SUCLG2: variants seen among roughly 807,000 people sequenced by gnomAD.
The protein encoded by SUCLG2 is succinate--CoA ligase [GDP-forming] subunit beta, mitochondrial.
Under a neutral mutation model 47.9 loss-of-function variants are expected in SUCLG2, and 42 were observed. The observed-to-expected ratio is 0.88, with a 90% CI of 0.69 to 1.14. The LOEUF (loss-of-function observed/expected upper bound fraction) is 1.14, where lower values mean the gene tolerates loss of function less well. Ranked by LOEUF, SUCLG2 falls within the 50% of genes most tolerant of loss-of-function variation. SUCLG2 has a pLI of 0.00. For missense variants in SUCLG2, 571 were observed against 525.9 expected, an observed-to-expected ratio of 1.09 and a Z score of -0.84; for synonymous variants, 195 against 197.3, an observed-to-expected ratio of 0.99 and a Z score of 0.10.
Position 67,594,431 on chromosome 3 carries a change from C to T in SUCLG2, c.226+15024G>A, listed in dbSNP as rs114422733. Among the ~76,000 whole-genome samples, 997 of 152,258 alleles carry T rather than the reference C, an allele frequency of 6.5e-3. 10 individuals carry two copies. Among genetic ancestry groups the T allele is most frequent in the African/African-American group, 0.022 (917 of 41,564 alleles). Reference sequence around the variant, plus strand: ...TAAAGCTGTTTCTAGTTCAGGATCTCGGCCTCTCCTGTCACCTGTGCTTGA... The same window carrying T: ...TAAAGCTGTTTCTAGTTCAGGATCTTGGCCTCTCCTGTCACCTGTGCTTGA... On this transcript the variant is annotated intron_variant, in intron 2 of 10. Coordinates refer to ENST00000307227, the MANE Select transcript of SUCLG2 (RefSeq NM_003848.4).
In SUCLG2 at chr3:67,592,718, C is replaced by CAAAAAAAAAAAAAAAAAAAAAA. The variant is rs754866312; in HGVS notation, c.226+16736_226+16737insTTTTTTTTTTTTTTTTTTTTTT. Reference sequence around the variant, plus strand: ...AAGCATATGTAACTCTCACATCCTCCAAAAAAAAAAAAAAAAAACAACAAA... The same window carrying CAAAAAAAAAAAAAAAAAAAAAA: ...AAGCATATGTAACTCTCACATCCTCCAAAAAAAAAAAAAAAAAAAAAAAAAAAAAAAAAAAAAAAACAACAAA... On this transcript the variant is annotated intron_variant, in intron 2 of 10. Coordinates refer to ENST00000307227, the MANE Select transcript of SUCLG2 (RefSeq NM_003848.4). 8.7e-5 allele frequency among the ~76,000 whole-genome samples: 7 copies of CAAAAAAAAAAAAAAAAAAAAAA among 80,256 alleles called. 1 individual carries two copies. The highest frequency in any genetic ancestry group is 3.6e-4 in the African/African-American group (6 of 16,760). The allele number at this position is 80,256 out of a possible 152,430, so 52.7% of individuals were successfully genotyped here. A position where few individuals can be genotyped will look rare whatever the true frequency, so the allele number is the denominator to read the frequency against.
chr3:67,420,507 T>C (rs1051615078), intron 9 of SUCLG2, among the ~76,000 whole-genome samples: 1 of 152,170 alleles, frequency 6.6e-6, no homozygotes, highest in Non-Finnish European at 1.5e-5. Context: ...TGTGGGATGG[T>C]GTGGGAAATA....
At position 67,398,445 on chromosome 3, in the gene SUCLG2, G is replaced by A. The variant is rs552152922; in HGVS notation, c.1183+2286C>T. Among the ~76,000 whole-genome samples, 341 of 151,870 alleles carry A rather than the reference G, an allele frequency of 2.2e-3. 1 individual carries two copies. The highest frequency in any genetic ancestry group is 3.3e-3 in the Admixed American group (50 of 15,248). ...ATGCTCATCATCACTGGCCATCAGA[G>A]AAATGCAAATCAAAACCACAATGAG... On this transcript the variant is annotated intron_variant, in intron 10 of 10. Coordinates refer to ENST00000307227, the MANE Select transcript of SUCLG2 (RefSeq NM_003848.4).
chr3:67,511,830 AG>A (rs1186743800), intron 6 of SUCLG2, among the ~76,000 whole-genome samples: 3 of 144,774 alleles, frequency 2.1e-5, no homozygotes, highest in Non-Finnish European at 4.4e-5. Context: ...TTATAGGAAG[AG>A]TGTGAGTGTG....
intron 9 of SUCLG2, among the ~76,000 whole-genome samples, chr3:67,436,981 A>G (rs1456071283): frequency 2.0e-5 from 3 of 152,136 alleles, no homozygotes; most frequent in African/African-American, 7.2e-5. Context: ...GTAAAATAAT[A>G]TATGATCAAG....
intron 9 of SUCLG2, among the ~76,000 whole-genome samples, chr3:67,463,320 T>C (rs755481395): frequency 2.6e-5 from 4 of 152,216 alleles, no homozygotes; most frequent in Non-Finnish European, 5.9e-5. Flanking sequence ...ACCATTCTTG[T>C]TGCTGGCTGT....
intron 1 of SUCLG2, among the ~76,000 whole-genome samples, chr3:67,647,085 C>T (rs1040238141): frequency 3.3e-5 from 5 of 152,180 alleles, no homozygotes; most frequent in African/African-American, 1.2e-4. Flanking sequence ...CAAGTCACAA[C>T]TCTGGGACTA....
chr3:67,412,735 C>G (rs1702957391), intron 9 of SUCLG2, among the ~76,000 whole-genome samples: 1 of 152,208 alleles, frequency 6.6e-6, no homozygotes, highest in African/African-American at 2.4e-5. Flanking sequence ...AGCATTGGGA[C>G]AGAAGCGATC....
At chr3:67,408,163 T>C (rs1041491394) in intron 9 of SUCLG2, among the ~76,000 whole-genome samples, 1 of 152,174 alleles carries the variant, frequency 6.6e-6, no homozygotes, top group African/African-American at 2.4e-5. Context: ...GGCTCACTTT[T>C]CTACCTTTGG....
intron 1 of SUCLG2, among the ~76,000 whole-genome samples, chr3:67,616,510 G>T (rs902031136): frequency 1.3e-5 from 2 of 152,070 alleles, no homozygotes; most frequent in Non-Finnish European, 2.9e-5. Context: ...AACTTGGGAA[G>T]GGCAGACCAA....
At chr3:67,387,523 T>C (rs982313771) in intron 10 of SUCLG2, among the ~76,000 whole-genome samples, 1 of 152,230 alleles carries the variant, frequency 6.6e-6, no homozygotes, top group Non-Finnish European at 1.5e-5. Flanking sequence ...AGGCCCACAA[T>C]TTATTAGTTA....
intron 9 of SUCLG2, among the ~76,000 whole-genome samples, chr3:67,422,657 G>C (rs1288846007): frequency 2.0e-5 from 3 of 151,890 alleles, no homozygotes. Context: ...ATGAGAAAGA[G>C]ATTTCAAAGG....
chr3:67,488,578 T>C (rs958959571), intron 9 of SUCLG2, among the ~76,000 whole-genome samples: 2 of 152,138 alleles, frequency 1.3e-5, no homozygotes, highest in African/African-American at 4.8e-5. Context: ...TAAAGTAACA[T>C]CTCAAAAATA....
chr3:67,400,713 A>T lies in SUCLG2; in HGVS notation c.1183+18T>A, dbSNP rs373480304. On this transcript the variant is annotated intron_variant, in intron 10 of 10. Transcript: ENST00000307227. Reference sequence around the variant, plus strand: ...TGGAGAAGGGGTGCTGGCACAGCGGAAATCTACCATGACTCACCTTCAAGC... The same window carrying T: ...TGGAGAAGGGGTGCTGGCACAGCGGTAATCTACCATGACTCACCTTCAAGC... 3.7e-6 allele frequency: 6 copies of T among 1,608,932 alleles called. No individual in the cohort carries two copies. The African/African-American group carries it at 4.0e-5, about 11-fold the overall frequency.
chr3:67,385,993 T>A (rs1352434763), intron 10 of SUCLG2, among the ~76,000 whole-genome samples: 2 of 152,050 alleles, frequency 1.3e-5, no homozygotes, highest in African/African-American at 4.8e-5. Context: ...GGCTAGAAGG[T>A]CTCAGAGGGA....
chr3:67,624,273 T>C (rs191375104), intron 1 of SUCLG2, among the ~76,000 whole-genome samples: 20 of 152,292 alleles, frequency 1.3e-4, no homozygotes, highest in South Asian at 2.1e-4. Context: ...GAGTAGGAAA[T>C]GAGCGACCTT....
intron 1 of SUCLG2, among the ~76,000 whole-genome samples, chr3:67,621,473 T>G (rs2107334994): frequency 6.6e-6 from 1 of 152,326 alleles, no homozygotes; most frequent in Non-Finnish European, 1.5e-5. Flanking sequence ...CAAACTGGCC[T>G]TATAGTTTGA....
intron 9 of SUCLG2, among the ~76,000 whole-genome samples, chr3:67,452,313 GT>G (rs1704075071): frequency 6.6e-6 from 1 of 152,014 alleles, no homozygotes; most frequent in African/African-American, 2.4e-5. Context: ...ATTTTTAAAG[GT>G]TGTAAGTTTC....
intron 10 of SUCLG2, among the ~76,000 whole-genome samples, chr3:67,393,891 C>T (rs1477224562): frequency 1.3e-5 from 2 of 152,154 alleles, no homozygotes; most frequent in East Asian, 3.9e-4. Context: ...CAGCCACCGC[C>T]ACTGATACCC....
Sources: gnomAD v4.1 joint callset for allele counts (sites outside exome capture counted in the v4.1 genomes callset) on GRCh38, gnomAD v4.1.1 for gene constraint, MANE v1.5 for transcripts, NCBI Gene and HGNC (gene_info 2026-07-23, HGNC 2026-07-21) for gene names.